Variants in SLCO2A1 observed in about 807,000 individuals in gnomAD.
SLCO2A1 encodes solute carrier organic anion transporter family member 2A1, also known as matrin F/G 1.
A neutral mutation model predicts 71.7 loss-of-function variants in SLCO2A1; 60 were observed. That is an observed-to-expected ratio of 0.84 (90% CI 0.68 to 1.04). The LOEUF (loss-of-function observed/expected upper bound fraction) is 1.04. SLCO2A1 is among the 50% of genes least tolerant of loss of function. The probability of loss-of-function intolerance (pLI) is 0.00; values close to 1 mark genes in which losing one functional copy is unlikely to be tolerated. For synonymous variants in SLCO2A1, 308 were observed against 326.7 expected, an observed-to-expected ratio of 0.94 and a Z score of 0.62; for missense variants, 745 against 813.4, an observed-to-expected ratio of 0.92 and a Z score of 1.02.
intron 1 of SLCO2A1, among the ~76,000 whole-genome samples, chr3:134,000,944 G>A (rs928023819): frequency 3.3e-4 from 51 of 152,264 alleles, no homozygotes; most frequent in African/African-American, 9.1e-4. Flanking sequence ...AAATACAGCC[G>A]CAAGGATACC....
chr3:133,944,245 T>C (rs1483902384), intron 10 of SLCO2A1, among the ~76,000 whole-genome samples: 4 of 152,212 alleles, frequency 2.6e-5, no homozygotes, highest in Admixed American at 1.3e-4. Context: ...TATTAAGTCC[T>C]TCCATGGCAT....
chr3:133,995,302 C>T (rs1240099122), intron 1 of SLCO2A1, among the ~76,000 whole-genome samples: 1 of 152,178 alleles, frequency 6.6e-6, no homozygotes, highest in Non-Finnish European at 1.5e-5. Context: ...TAAAAACCCT[C>T]CAATGGATTC....
At chr3:134,020,209 C>A (rs573412311) in intron 1 of SLCO2A1, among the ~76,000 whole-genome samples, 3 of 152,138 alleles carry the variant, frequency 2.0e-5, no homozygotes, top group Non-Finnish European at 4.4e-5. Flanking sequence ...TTAAAAAGGA[C>A]AGGAATTGCT....
chr3:133,956,723 A>G (rs1933907897), intron 3 of SLCO2A1, among the ~76,000 whole-genome samples: 1 of 152,228 alleles, frequency 6.6e-6, no homozygotes, highest in Non-Finnish European at 1.5e-5. Flanking sequence ...GGGTGAAAAT[A>G]TAGCCTTTTT....
Position 133,949,295 on chromosome 3 carries a change from C to T in SLCO2A1, c.862-324G>A, listed in dbSNP as rs568407984. The T allele has an allele frequency of 1.5e-3, 464 of 309,366 alleles. 3 individuals carry two copies. Among genetic ancestry groups the T allele is most frequent in the South Asian group, 2.0e-3 (54 of 27,158 alleles). The allele number at this position is 309,366 out of a possible 1,614,324, so 19.2% of individuals were successfully genotyped here. A position where few individuals can be genotyped will look rare whatever the true frequency, so the allele number is the denominator to read the frequency against. ...CCTGGACCCCACCCCTCACCCCCATCTGTCATGGCTACGCTTCTCCCCTAC... is the reference window on the plus strand; with the variant it reads ...CCTGGACCCCACCCCTCACCCCCATTTGTCATGGCTACGCTTCTCCCCTAC... On this transcript the variant is annotated intron_variant, in intron 6 of 13. Transcript: ENST00000310926.
At position 133,953,756 on chromosome 3, in the gene SLCO2A1, A is replaced by AATAT; in HGVS notation, c.630_631insATAT (p.Leu211IlefsTer36). ...GGTCCAAATACAGAGATGGCAAATA[A>AATAT]GATGGCTGGAAAAGGAAGTAAGGGG... is the stretch of plus-strand genomic sequence containing the variant. On this transcript the variant is annotated frameshift_variant, in exon 5 of 14. Coordinates refer to ENST00000310926, the MANE Select transcript of SLCO2A1 (RefSeq NM_005630.3). LOFTEE classifies it high-confidence loss of function. The AATAT allele has an allele frequency of 2.5e-6, 4 of 1,613,932 alleles. No individual in the cohort carries two copies. Among genetic ancestry groups the AATAT allele is most frequent in the Non-Finnish European group, 3.4e-6 (4 of 1,179,780 alleles).
intron 1 of SLCO2A1, among the ~76,000 whole-genome samples, chr3:133,987,609 C>T (rs917556705): frequency 3.9e-5 from 6 of 152,160 alleles, no homozygotes; most frequent in African/African-American, 1.4e-4. Flanking sequence ...ATGTACAAAA[C>T]CAAGCTGCGC....
intron 4 of SLCO2A1, among the ~76,000 whole-genome samples, chr3:133,954,373 G>T (rs936270878): frequency 2.6e-5 from 4 of 152,000 alleles, no homozygotes; most frequent in African/African-American, 9.7e-5. Context: ...TGTTGATCAG[G>T]CTGGTCTCGA....
At chr3:133,986,876 T>C (rs929852017) in intron 1 of SLCO2A1, among the ~76,000 whole-genome samples, 27 of 152,280 alleles carry the variant, frequency 1.8e-4, no homozygotes, top group African/African-American at 6.3e-4. Flanking sequence ...TTGATCTACA[T>C]GTTCATGCCT....
chr3:133,961,172 A>G (rs1934026128), intron 3 of SLCO2A1, among the ~76,000 whole-genome samples: 1 of 152,106 alleles, frequency 6.6e-6, no homozygotes, highest in African/African-American at 2.4e-5. Flanking sequence ...CTGTCAACTG[A>G]GACGGGTAAG....
chr3:134,007,608 T>A (rs976304852), intron 1 of SLCO2A1, among the ~76,000 whole-genome samples: 2 of 152,182 alleles, frequency 1.3e-5, no homozygotes, highest in Admixed American at 1.3e-4. Context: ...TACCCAGAGA[T>A]CTTGTTAGAG....
intron 3 of SLCO2A1, among the ~76,000 whole-genome samples, chr3:133,958,376 G>T (rs1933944101): frequency 6.6e-6 from 1 of 152,206 alleles, no homozygotes; most frequent in Non-Finnish European, 1.5e-5. Context: ...GGTGGGCAGA[G>T]TGTTAGGCTC....
At chr3:133,995,347 C>T (rs1039382350) in intron 1 of SLCO2A1, among the ~76,000 whole-genome samples, 2 of 152,192 alleles carry the variant, frequency 1.3e-5, no homozygotes, top group African/African-American at 4.8e-5. Flanking sequence ...GCAAAGCACC[C>T]CTACTCCTCC....
At position 133,959,397 on chromosome 3, in the gene SLCO2A1, C is replaced by CAAAA. The variant is rs112457858; in HGVS notation, c.398-4208_398-4205dup. Reference sequence around the variant, plus strand: ...TCATACCCATCAGGATGGCTATTACCAAAAAAAAAAAAAACAGAAAACGAG... The same window carrying CAAAA: ...TCATACCCATCAGGATGGCTATTACCAAAAAAAAAAAAAAAAAACAGAAAACGAG... On this transcript the variant is annotated intron_variant, in intron 3 of 13. Transcript: ENST00000310926. Among the ~76,000 whole-genome samples, 1,190 of 123,922 alleles carry CAAAA rather than the reference C, an allele frequency of 9.6e-3. 21 individuals carry two copies. The highest frequency in any genetic ancestry group is 0.03 in the African/African-American group (1,059 of 35,230). The allele number at this position is 123,922 out of a possible 152,430, so 81.3% of individuals were successfully genotyped here. A position where few individuals can be genotyped will look rare whatever the true frequency, so the allele number is the denominator to read the frequency against.
rs778506426 is a variant in SLCO2A1, at chr3:134,029,791, C to A, written c.12G>T (p.Leu4=). 443 of 1,520,048 alleles carry A rather than the reference C, an allele frequency of 2.9e-4. No homozygotes were observed. The highest frequency in any genetic ancestry group is 3.9e-4 in the Middle Eastern group (2 of 5,178). 94.2% of individuals were successfully genotyped at this position (1,520,048 alleles called of 1,614,324 possible). A position where few individuals can be genotyped will look rare whatever the true frequency, so the allele number is the denominator to read the frequency against. Residue 4 remains leucine, a synonymous_variant, in exon 1 of 14, where the codon CTG becomes CTT. Transcript: ENST00000310926. MGL[L]PKLGASQGSD... is the part of the protein sequence containing the mutation. ...TGCCCTGGGACGCGCCGAGCTTGGG[C>A]AGGAGCCCCATGGCTGCGGGCGGCT...
At chr3:133,938,517 G>A in intron 11 of SLCO2A1, 24 bp from the exon 12 acceptor site, 1 of 1,611,858 alleles carries the variant, frequency 6.2e-7, no homozygotes, top group Non-Finnish European at 8.5e-7. Flanking sequence ...CAGGAAATCA[G>A]CAGTGGGAGG....
intron 1 of SLCO2A1, among the ~76,000 whole-genome samples, chr3:134,022,441 G>A (rs1198834913): frequency 6.6e-6 from 1 of 152,056 alleles, no homozygotes; most frequent in Admixed American, 6.5e-5. Flanking sequence ...TTGTTTTGAA[G>A]GTTTAAGCAA....
At chr3:134,000,168 C>T (rs558471835) in intron 1 of SLCO2A1, among the ~76,000 whole-genome samples, 5 of 152,144 alleles carry the variant, frequency 3.3e-5, no homozygotes, top group Non-Finnish European at 7.3e-5. Flanking sequence ...AAGCAAGGAG[C>T]TCAAGATGCC....
intron 3 of SLCO2A1, among the ~76,000 whole-genome samples, chr3:133,961,190 G>A (rs1321912467): frequency 6.6e-6 from 1 of 152,082 alleles, no homozygotes; most frequent in Non-Finnish European, 1.5e-5. Flanking sequence ...AAGGAGGGGA[G>A]TTGATTCCAT....
Sources: allele counts gnomAD v4.1 joint callset (sites outside exome capture counted in the v4.1 genomes callset), GRCh38; gene constraint gnomAD v4.1.1; transcripts MANE v1.5; gene names NCBI Gene and HGNC (gene_info 2026-07-23, HGNC 2026-07-21).